CADM3: variants seen among roughly 807,000 people sequenced by gnomAD.
The protein encoded by CADM3 is TSLC1-like 1.
A neutral mutation model predicts 44.9 loss-of-function variants in CADM3; 11 were observed. The observed-to-expected ratio is 0.25, with a 90% confidence interval of 0.15 to 0.41. The LOEUF (loss-of-function observed/expected upper bound fraction) is 0.41, where lower values mean the gene tolerates loss of function less well. Ranked by LOEUF, CADM3 falls within the 10% of genes least tolerant of loss-of-function variation. The pLI is 1.00. For missense variants in CADM3, 426 were observed against 512.0 expected (o/e 0.83, Z 1.62); for synonymous variants, 207 against 205.2 (o/e 1.01, Z -0.08).
rs894652403 is a variant in CADM3 at position 159,201,015 on chromosome 1, C to T, written c.*93C>T. On this transcript the variant is annotated 3_prime_UTR_variant, in exon 9 of 9. Coordinates refer to ENST00000368125, the MANE Select transcript of CADM3 (RefSeq NM_001127173.3). ...GACTTGTACAGAGCAACCGCAGGGC[C>T]GCCCCTCCCGCTTGCTCCCCAGCCC... is the stretch of plus-strand genomic sequence containing the variant. 3.8e-6 allele frequency: 3 copies of T among 787,314 alleles called. No homozygotes were observed. The highest frequency in any genetic ancestry group is 3.3e-5 in the Admixed American group (1 of 30,564). 48.8% of individuals were successfully genotyped at this position (787,314 alleles called of 1,614,324 possible).
At chr1:159,176,114 T>C (rs1327109534) in intron 1 of CADM3, among the ~76,000 whole-genome samples, 1 of 152,228 alleles carries the variant, frequency 6.6e-6, no homozygotes, top group Non-Finnish European at 1.5e-5. Context: ...CCCTTTTTTG[T>C]CATCTAATTC....
In CADM3 at chr1:159,197,047, C is replaced by T. The variant is rs369136238; in HGVS notation, c.939C>T (p.Thr313=). 21 of 1,613,912 alleles carry T rather than the reference C, an allele frequency of 1.3e-5. No individual in the cohort carries two copies. In the East Asian group the frequency reaches 2.4e-4, roughly 19 times the overall value. ...SNMGSYKAYY[T]LNVNDPSPVP... is the part of the protein sequence containing the mutation. ...TGGGCAGCTACAAGGCCTACTACAC[C>T]CTCAATGTTAATGGTAAGCCCTCCT... Residue 313 remains threonine (T), a synonymous_variant, in exon 7 of 9, where the codon ACC becomes ACT. Transcript: ENST00000368125.
intron 7 of CADM3, chr1:159,197,261 T>C: frequency 1.8e-6 from 1 of 541,302 alleles, no homozygotes; most frequent in East Asian, 3.1e-5. Context: ...GAAAAAACAT[T>C]AGAAGGGTGG....
chr1:159,188,347 C>G (rs866951832), intron 1 of CADM3, among the ~76,000 whole-genome samples: 9 of 150,564 alleles, frequency 6.0e-5, no homozygotes, highest in South Asian at 2.2e-4. Context: ...GCCTCTCTTT[C>G]CCTTTGCTTC....
intron 8 of CADM3, among the ~76,000 whole-genome samples, chr1:159,200,555 C>CA (rs1650138107): frequency 8.2e-6 from 1 of 122,210 alleles, no homozygotes; most frequent in Non-Finnish European, 1.9e-5. Context: ...CACACACACA[C>CA]TTCTCTTTCT....
At position 159,202,664 on chromosome 1, in the gene CADM3, C is replaced by T. The variant is rs1344381745; in HGVS notation, c.*1742C>T. 1.3e-5 allele frequency: 2 copies of T among 152,202 alleles called. No homozygotes were observed. Among genetic ancestry groups the T allele is most frequent in the Non-Finnish European group, 2.9e-5 (2 of 68,104 alleles). The allele number at this position is 152,202 out of a possible 1,614,324, so 9.4% of individuals were successfully genotyped here. A position where few individuals can be genotyped will look rare whatever the true frequency, so the allele number is the denominator to read the frequency against. Reference sequence around the variant, plus strand: ...GATCCAGGATGCCCTTGGCATCGCTCCCACCCTCCCCCAGCTTTTCCTCCC... The same window carrying T: ...GATCCAGGATGCCCTTGGCATCGCTTCCACCCTCCCCCAGCTTTTCCTCCC... On this transcript the variant is annotated 3_prime_UTR_variant, in exon 9 of 9. Coordinates refer to ENST00000368125, the MANE Select transcript of CADM3 (RefSeq NM_001127173.3).
chr1:159,189,690 C>T, intron 1 of CADM3: 2 of 1,079,946 alleles, frequency 1.9e-6, no homozygotes, highest in Non-Finnish European at 2.7e-6. Context: ...GCCTTTCCCA[C>T]ATGCCCAGCA....
intron 1 of CADM3, among the ~76,000 whole-genome samples, chr1:159,173,334 C>T (rs3026950): frequency 2.6e-5 from 4 of 152,046 alleles, no homozygotes; most frequent in Non-Finnish European, 4.4e-5. Context: ...ATCGCTCCAC[C>T]TCGCCTGACC....
chr1:159,192,508 C>T, intron 2 of CADM3, 70 bp from the exon 3 acceptor site: 1 of 1,592,876 alleles, frequency 6.3e-7, no homozygotes, highest in Non-Finnish European at 8.6e-7. Context: ...AAGAAGCTGG[C>T]CTGGGATTGG....
intron 1 of CADM3, among the ~76,000 whole-genome samples, chr1:159,186,271 G>T (rs1399811620): frequency 6.6e-6 from 1 of 152,146 alleles, no homozygotes; most frequent in African/African-American, 2.4e-5. Flanking sequence ...GACCTTGAAG[G>T]CTAGGCTGAC....
intron 1 of CADM3, among the ~76,000 whole-genome samples, chr1:159,173,090 G>A (rs1648881790): frequency 6.6e-6 from 1 of 152,096 alleles, no homozygotes; most frequent in Non-Finnish European, 1.5e-5. Context: ...AAGGGAAGTG[G>A]GGAGAGTGAA....
Position 159,197,042 on chromosome 1 carries a change from T to G in CADM3, c.934T>G (p.Tyr312Asp). ...CAACATGGGCAGCTACAAGGCCTAC[T>G]ACACCCTCAATGTTAATGGTAAGCC... is the stretch of plus-strand genomic sequence containing the variant. ...TSNMGSYKAY[Y>D]TLNVNDPSPV... The change falls in exon 7 of 9, where the codon TAC becomes GAC. Residue 312 changes from tyrosine (Y) to aspartate (D), a missense_variant. By Grantham distance (160) the Tyr-to-Asp change is radical. Transcript: ENST00000368125. 1 of 1,614,184 alleles carries G rather than the reference T, an allele frequency of 6.2e-7. No individual in the cohort carries two copies. The highest frequency in any genetic ancestry group is 1.1e-5 in the South Asian group (1 of 91,076).
chr1:159,199,654 T>C, intron 7 of CADM3, 97 bp from the exon 8 acceptor site: 4 of 1,520,714 alleles, frequency 2.6e-6, no homozygotes, highest in Middle Eastern at 1.7e-4. Context: ...TGTTAGTACC[T>C]GTTCCCTGCT....
At position 159,198,423 on chromosome 1, in the gene CADM3, T is replaced by A. The variant is rs146840957; in HGVS notation, c.953-1328T>A. 2.2e-3 allele frequency among the ~76,000 whole-genome samples: 329 copies of A among 152,254 alleles called. 3 individuals are homozygous for A. Among genetic ancestry groups the A allele is most frequent in the Middle Eastern group, 6.8e-3 (2 of 294 alleles). The stretch of plus-strand genomic sequence containing the variant: ...AGAGACAGCAGGTAACTCACTCTGC[T>A]TCCTCCAAGTTACACCATCACCTCC... On this transcript the variant is annotated intron_variant, in intron 7 of 8. Coordinates refer to ENST00000368125, the MANE Select transcript of CADM3 (RefSeq NM_001127173.3).
At chr1:159,200,188 A>G (rs1054985324) in intron 8 of CADM3, among the ~76,000 whole-genome samples, 11 of 152,184 alleles carry the variant, frequency 7.2e-5, no homozygotes, top group Non-Finnish European at 1.5e-4. Flanking sequence ...GAGCTCCTGA[A>G]ACTGCATCTC....
intron 7 of CADM3, 150 bp downstream of exon 7, chr1:159,197,210 A>C (rs539317895): frequency 1.5e-6 from 1 of 688,860 alleles, no homozygotes; most frequent in Non-Finnish European, 2.4e-6. Flanking sequence ...CTGAGGGCTT[A>C]GGTCCCAGGT....
At chr1:159,176,461 C>A (rs1383254048) in intron 1 of CADM3, among the ~76,000 whole-genome samples, 1 of 152,132 alleles carries the variant, frequency 6.6e-6, no homozygotes, top group African/African-American at 2.4e-5. Flanking sequence ...GAGAAGCAAG[C>A]CATCAGAAAA....
chr1:159,189,761 C>A, intron 1 of CADM3: 1 of 1,592,354 alleles, frequency 6.3e-7, no homozygotes, highest in Non-Finnish European at 8.6e-7. Context: ...GATGGAGATT[C>A]TCTCCCCAGG....
chr1:159,173,182 C>G (rs1480520929), intron 1 of CADM3, among the ~76,000 whole-genome samples: 2 of 150,398 alleles, frequency 1.3e-5, no homozygotes, highest in Non-Finnish European at 3.0e-5. Flanking sequence ...GGAGGTGGCT[C>G]CTGGGCGATG....
Sources: allele counts gnomAD v4.1 joint callset (sites outside exome capture counted in the v4.1 genomes callset), GRCh38; gene constraint gnomAD v4.1.1; transcripts MANE v1.5; gene names NCBI Gene and HGNC (gene_info 2026-07-23, HGNC 2026-07-21).